MNAT1: variants seen among roughly 807,000 people sequenced by gnomAD.
MNAT1 encodes the protein MNAT1 component of CDK activating kinase, also known as CDK-activating kinase assembly factor MAT1.
Under a neutral mutation model 42.0 loss-of-function variants are expected in MNAT1, and 43 were observed. The ratio of observed to expected loss-of-function variants is 1.02; its 90% CI spans 0.80 to 1.32. The LOEUF (loss-of-function observed/expected upper bound fraction) is 1.32, where lower values mean the gene tolerates loss of function less well. MNAT1 is among the 40% of genes most tolerant of loss of function. The pLI, the probability that MNAT1 is intolerant of heterozygous loss-of-function variation, is 0.00. For synonymous variants in MNAT1, 118 were observed against 120.0 expected (o/e 0.98, Z 0.11); for missense variants, 306 against 350.4 (o/e 0.87, Z 1.01).
chr14:60,807,950 A>T (rs4151220), intron 3 of MNAT1, among the ~76,000 whole-genome samples: 2,334 of 152,100 alleles, frequency 0.015, 44 homozygotes, highest in African/African-American at 0.048. Context: ...CTCTTTTTTT[A>T]AAATTCTGAT....
intron 7 of MNAT1, among the ~76,000 whole-genome samples, chr14:60,930,206 T>TTCATTA (rs1555336831): frequency 1.4e-5 from 2 of 138,750 alleles, no homozygotes; most frequent in African/African-American, 5.3e-5. Flanking sequence ...TTCTTCCGTC[T>TTCATTA]TTATTATTAT....
intron 1 of MNAT1, among the ~76,000 whole-genome samples, chr14:60,785,476 G>A (rs1236839240): frequency 6.6e-6 from 1 of 152,128 alleles, no homozygotes; most frequent in East Asian, 1.9e-4. Flanking sequence ...AGCAAACATT[G>A]ATATACTTTG....
chr14:60,953,355 A>C (rs1321811692), intron 7 of MNAT1, among the ~76,000 whole-genome samples: 1 of 152,124 alleles, frequency 6.6e-6, no homozygotes, highest in African/African-American at 2.4e-5. Context: ...ATCCTTTGAA[A>C]TCTCCACTTT....
At chr14:60,908,226 C>A (rs1282574335) in intron 7 of MNAT1, among the ~76,000 whole-genome samples, 2 of 152,004 alleles carry the variant, frequency 1.3e-5, no homozygotes, top group African/African-American at 2.4e-5. Context: ...GATTATTTTA[C>A]GTTTAAATTT....
intron 6 of MNAT1, among the ~76,000 whole-genome samples, chr14:60,869,849 G>T (rs2034291161): frequency 6.6e-6 from 1 of 151,934 alleles, no homozygotes; most frequent in Admixed American, 6.6e-5. Flanking sequence ...TAAATGGTTT[G>T]TTGCATTCTA....
intron 2 of MNAT1, among the ~76,000 whole-genome samples, chr14:60,797,735 G>C (rs1182720829): frequency 3.3e-5 from 5 of 152,072 alleles, no homozygotes; most frequent in Admixed American, 1.3e-4. Flanking sequence ...AGACCAGCCT[G>C]GCCAACATGG....
intron 6 of MNAT1, among the ~76,000 whole-genome samples, chr14:60,825,877 A>T (rs1018944238): frequency 1.3e-5 from 2 of 152,310 alleles, no homozygotes; most frequent in Non-Finnish European, 2.9e-5. Flanking sequence ...CTCTACTTAA[A>T]AAAAGTCAAA....
At chr14:60,934,790 C>G (rs1159960063) in intron 7 of MNAT1, among the ~76,000 whole-genome samples, 1 of 152,224 alleles carries the variant, frequency 6.6e-6, no homozygotes, top group African/African-American at 2.4e-5. Context: ...TTTCCTTCCT[C>G]TCTTTCTGGA....
At chr14:60,943,201 G>A (rs915703169) in intron 7 of MNAT1, among the ~76,000 whole-genome samples, 5 of 151,828 alleles carry the variant, frequency 3.3e-5, no homozygotes, top group African/African-American at 1.2e-4. Flanking sequence ...GATGCATACT[G>A]AATAAATTAT....
At chr14:60,901,156 A>G (rs1167518552) in intron 7 of MNAT1, among the ~76,000 whole-genome samples, 1 of 151,260 alleles carries the variant, frequency 6.6e-6, no homozygotes, top group Non-Finnish European at 1.5e-5. Context: ...TGAAAATTGT[A>G]GGGCCCCTAA....
At chr14:60,916,060 C>T (rs1255805309) in intron 7 of MNAT1, among the ~76,000 whole-genome samples, 1 of 152,188 alleles carries the variant, frequency 6.6e-6, no homozygotes, top group African/African-American at 2.4e-5. Context: ...AGCAGGTCTT[C>T]TTCCTTAGGA....
At chr14:60,867,703 T>G (rs1335688735) in intron 6 of MNAT1, among the ~76,000 whole-genome samples, 1 of 152,130 alleles carries the variant, frequency 6.6e-6, no homozygotes, top group Non-Finnish European at 1.5e-5. Flanking sequence ...TTAGACTTAC[T>G]GTTTCAGTCT....
At chr14:60,892,771 C>T (rs1339870719) in intron 7 of MNAT1, among the ~76,000 whole-genome samples, 1 of 151,896 alleles carries the variant, frequency 6.6e-6, no homozygotes, top group Non-Finnish European at 1.5e-5. Context: ...ATTCTTTTGT[C>T]ATTATGATGA....
At chr14:60,847,311 G>A (rs1187747096) in intron 6 of MNAT1, among the ~76,000 whole-genome samples, 1 of 151,856 alleles carries the variant, frequency 6.6e-6, no homozygotes, top group Non-Finnish European at 1.5e-5. Context: ...GGCTGAGGCA[G>A]GAGAATGGCA....
At chr14:60,761,373 T>A (rs1214157053) in intron 1 of MNAT1, among the ~76,000 whole-genome samples, 1 of 152,172 alleles carries the variant, frequency 6.6e-6, no homozygotes, top group African/African-American at 2.4e-5. Context: ...CATTTCAGGG[T>A]AACCTTCAAG....
At chr14:60,872,873 T>C (rs993238003) in intron 6 of MNAT1, among the ~76,000 whole-genome samples, 208 of 143,998 alleles carry the variant, frequency 1.4e-3, no homozygotes, top group East Asian at 9.0e-3. Context: ...CACACACATA[T>C]ATATATGCAC....
At chr14:60,875,126 A>G (rs17097856) in intron 6 of MNAT1, among the ~76,000 whole-genome samples, 2,645 of 152,262 alleles carry the variant, frequency 0.017, 117 homozygotes, top group South Asian at 0.11. Context: ...TTATAGTTTT[A>G]AAAAATACTC....
At chr14:60,808,039 G>A (rs1364150235) in intron 3 of MNAT1, among the ~76,000 whole-genome samples, 1 of 151,790 alleles carries the variant, frequency 6.6e-6, no homozygotes, top group Admixed American at 6.6e-5. Context: ...GCTAGAGAGG[G>A]GACTATAAAA....
At chr14:60,906,965 C>T (rs542914231) in intron 7 of MNAT1, among the ~76,000 whole-genome samples, 2 of 151,644 alleles carry the variant, frequency 1.3e-5, no homozygotes, top group South Asian at 4.2e-4. Flanking sequence ...TCCACCTTTC[C>T]ACCCCCCAAC....
Sources: allele counts gnomAD v4.1 joint callset (sites outside exome capture counted in the v4.1 genomes callset), GRCh38; gene constraint gnomAD v4.1.1; transcripts MANE v1.5; gene names NCBI Gene and HGNC (gene_info 2026-07-23, HGNC 2026-07-21).